The following CNTN5 variants were observed in gnomAD, a reference collection of about 807,000 sequenced individuals.
CNTN5 encodes contactin 5, also known as contactin-5.
In CNTN5, 77 loss-of-function variants were observed where a neutral mutation model predicts 129.1. The ratio of observed to expected loss-of-function variants is 0.60; its 90% CI spans 0.50 to 0.72. CNTN5 has a LOEUF of 0.72. Among genes scored for constraint, CNTN5 ranks in the 30% least tolerant of loss-of-function variants. The pLI, the probability that CNTN5 is intolerant of heterozygous loss-of-function variation, is 0.00. For missense variants in CNTN5, 1,478 were observed against 1,328.8 expected, an observed-to-expected ratio of 1.11 and a Z score of -1.75; for synonymous variants, 509 against 465.6, an observed-to-expected ratio of 1.09 and a Z score of -1.20.
At chr11:99,492,128 A>G (rs1565228156) in intron 2 of CNTN5, among the ~76,000 whole-genome samples, 1 of 152,172 alleles carries the variant, frequency 6.6e-6, no homozygotes, top group South Asian at 2.1e-4. Context: ...ATTCCTGCCA[A>G]CAAAGATACT....
intron 2 of CNTN5, among the ~76,000 whole-genome samples, chr11:99,398,026 T>G (rs149167979): frequency 6.6e-6 from 1 of 152,000 alleles, no homozygotes; most frequent in African/African-American, 2.4e-5. Context: ...TCTCCCAGTC[T>G]AATCTATTAT....
At chr11:100,000,680 G>T (rs935903254) in intron 8 of CNTN5, among the ~76,000 whole-genome samples, 4 of 152,208 alleles carry the variant, frequency 2.6e-5, no homozygotes, top group Admixed American at 2.6e-4. Flanking sequence ...ATTCCCCTCT[G>T]CATTGCCCTA....
At chr11:99,405,280 C>A (rs1261967157) in intron 2 of CNTN5, among the ~76,000 whole-genome samples, 1 of 152,088 alleles carries the variant, frequency 6.6e-6, no homozygotes, top group African/African-American at 2.4e-5. Flanking sequence ...AAGTTATTAT[C>A]CCTTTGACTA....
intron 2 of CNTN5, among the ~76,000 whole-genome samples, chr11:99,455,398 T>C (rs1467409049): frequency 6.6e-6 from 1 of 151,804 alleles, no homozygotes; most frequent in Non-Finnish European, 1.5e-5. Context: ...GAGAGAAGAA[T>C]GTATGAGTGA....
chr11:100,172,758 C>G, intron 13 of CNTN5, among the ~76,000 whole-genome samples: 1 of 151,946 alleles, frequency 6.6e-6, no homozygotes, highest in African/African-American at 2.4e-5. Context: ...TGTAAAAAAG[C>G]AGCTGGGATT....
At chr11:99,349,790 A>T (rs1051811526) in intron 2 of CNTN5, among the ~76,000 whole-genome samples, 2 of 152,212 alleles carry the variant, frequency 1.3e-5, no homozygotes, top group Non-Finnish European at 2.9e-5. Flanking sequence ...TGAAGGATGG[A>T]TAAGAATGTG....
intron 1 of CNTN5, among the ~76,000 whole-genome samples, chr11:99,271,901 C>G (rs1380790945): frequency 6.6e-6 from 1 of 151,870 alleles, no homozygotes; most frequent in African/African-American, 2.4e-5. Context: ...GGAAGTCACA[C>G]TCAAGCATTT....
chr11:100,029,318 C>T (rs995039023), intron 9 of CNTN5, among the ~76,000 whole-genome samples: 15 of 151,930 alleles, frequency 9.9e-5, no homozygotes, highest in Non-Finnish European at 2.2e-4. Flanking sequence ...CGCGGTGGCT[C>T]ACGCCTGTAA....
intron 8 of CNTN5, among the ~76,000 whole-genome samples, chr11:99,998,237 A>T (rs1313567789): frequency 6.6e-6 from 1 of 152,088 alleles, no homozygotes; most frequent in African/African-American, 2.4e-5. Flanking sequence ...AGACGACATG[A>T]TTGCACATCC....
chr11:99,695,822 T>G (rs1189118955), intron 3 of CNTN5, among the ~76,000 whole-genome samples: 1 of 152,110 alleles, frequency 6.6e-6, no homozygotes, highest in Non-Finnish European at 1.5e-5. Context: ...TATAACCTTA[T>G]GCAAATTACT....
chr11:99,045,633 A>G (rs1864175026), intron 1 of CNTN5, among the ~76,000 whole-genome samples: 1 of 152,228 alleles, frequency 6.6e-6, no homozygotes, highest in African/African-American at 2.4e-5. Flanking sequence ...ATGCATTTTC[A>G]TCATATATCT....
At chr11:99,434,703 G>A (rs1943533267) in intron 2 of CNTN5, among the ~76,000 whole-genome samples, 1 of 151,460 alleles carries the variant, frequency 6.6e-6, no homozygotes, top group African/African-American at 2.4e-5. Context: ...AAAGTGATTT[G>A]TCTTTAACAG....
chr11:99,799,095 A>G (rs1387579505), intron 3 of CNTN5, among the ~76,000 whole-genome samples: 1 of 151,990 alleles, frequency 6.6e-6, no homozygotes, highest in Non-Finnish European at 1.5e-5. Flanking sequence ...AATGTTACTG[A>G]TTTTTGTACA....
chr11:100,039,869 T>G (rs1354258485), intron 9 of CNTN5, among the ~76,000 whole-genome samples: 1 of 152,192 alleles, frequency 6.6e-6, no homozygotes, highest in East Asian at 1.9e-4. Flanking sequence ...TATCCATTCA[T>G]CTAACTTTTT....
chr11:99,869,464 G>T (rs1948444557), intron 6 of CNTN5, among the ~76,000 whole-genome samples: 1 of 152,046 alleles, frequency 6.6e-6, no homozygotes, highest in South Asian at 2.1e-4. Flanking sequence ...TATGAAACTG[G>T]TATAATTTTA....
chr11:99,214,999 T>A (rs1860046601), intron 1 of CNTN5, among the ~76,000 whole-genome samples: 1 of 152,046 alleles, frequency 6.6e-6, no homozygotes, highest in Admixed American at 6.6e-5. Context: ...GTCATAGGTC[T>A]AATTTTCATA....
intron 2 of CNTN5, among the ~76,000 whole-genome samples, chr11:99,494,172 T>C (rs1476148051): frequency 3.3e-5 from 5 of 152,194 alleles, no homozygotes; most frequent in Non-Finnish European, 5.9e-5. Flanking sequence ...ACTCACTCCG[T>C]AGTAATCGAC....
intron 3 of CNTN5, among the ~76,000 whole-genome samples, chr11:99,594,730 A>T (rs545301897): frequency 5.3e-5 from 8 of 152,292 alleles, no homozygotes; most frequent in African/African-American, 1.9e-4. Context: ...CACCGCTGTT[A>T]ATGGTGCTGC....
rs139748989 is a variant in CNTN5 at position 99,596,230 on chromosome 11, G to A, written c.55+39961G>A. 1.7e-3 allele frequency among the ~76,000 whole-genome samples: 259 copies of A among 152,200 alleles called. 2 individuals are homozygous for A. The highest frequency in any genetic ancestry group is 5.6e-3 in the African/African-American group (233 of 41,552). ...ATCATTTACTTTGTGGCTGAGAAAT[G>A]TCGTCCTATACCAAAAGATAGGATT... On this transcript the variant is annotated intron_variant, in intron 3 of 24. Coordinates refer to ENST00000524871, the MANE Select transcript of CNTN5 (RefSeq NM_014361.4).
Sources: gnomAD v4.1 joint callset for allele counts (sites outside exome capture counted in the v4.1 genomes callset) on GRCh38, gnomAD v4.1.1 for gene constraint, MANE v1.5 for transcripts, NCBI Gene and HGNC (gene_info 2026-07-23, HGNC 2026-07-21) for gene names.